The following PCDH19 variants were observed in gnomAD, a reference collection of about 807,000 sequenced individuals.
PCDH19 encodes the protein protocadherin 19.
Under a neutral mutation model 46.2 loss-of-function variants are expected in PCDH19, and 6 were observed. The observed-to-expected ratio is 0.13, with a 90% CI of 0.07 to 0.26. PCDH19 has a LOEUF of 0.26. Among genes scored for constraint, PCDH19 ranks in the 10% least tolerant of loss-of-function variants. The probability of loss-of-function intolerance (pLI) is 1.00; values close to 1 mark genes in which losing one functional copy is unlikely to be tolerated. For missense variants in PCDH19, 740 were observed against 972.3 expected, an observed-to-expected ratio of 0.76 and a Z score of 3.18; for synonymous variants, 481 against 415.7, an observed-to-expected ratio of 1.16 and a Z score of -1.91.
At chrX:100,394,429 A>C (rs996215356) in intron 3 of PCDH19, among the ~76,000 whole-genome samples, 2 of 112,120 alleles carry the variant, frequency 1.8e-5, no homozygotes, top group Non-Finnish European at 3.8e-5. Context: ...TCACTTTCCA[A>C]AGTAATTCCC....
intron 5 of PCDH19, among the ~76,000 whole-genome samples, chrX:100,317,449 T>C (rs1395017681): frequency 2.7e-5 from 3 of 111,451 alleles, no homozygotes; most frequent in Non-Finnish European, 5.6e-5. Context: ...AGAATGTTCA[T>C]TGTCATGACT....
intron 3 of PCDH19, among the ~76,000 whole-genome samples, chrX:100,399,057 C>T (rs1482734291): frequency 9.0e-6 from 1 of 111,586 alleles, no homozygotes; most frequent in Admixed American, 9.5e-5. Context: ...TTTTGATCCC[C>T]GGGAAGTAGT....
intron 5 of PCDH19, among the ~76,000 whole-genome samples, chrX:100,317,192 A>G (rs1273799222): frequency 9.0e-6 from 1 of 111,654 alleles, no homozygotes; most frequent in Non-Finnish European, 1.9e-5. Context: ...GTCTGGCTCC[A>G]GCCCAGCTAT....
chrX:100,326,759 T>C (rs895558633), intron 5 of PCDH19, among the ~76,000 whole-genome samples: 12 of 111,769 alleles, frequency 1.1e-4, no homozygotes, highest in African/African-American at 2.6e-4. Flanking sequence ...TTCAGAAAAA[T>C]GATTTGATAG....
intron 3 of PCDH19, among the ~76,000 whole-genome samples, chrX:100,383,763 T>C (rs1927627538): frequency 9.0e-6 from 1 of 111,654 alleles, no homozygotes; most frequent in African/African-American, 3.2e-5. Context: ...AACAGAAAAA[T>C]TGAAACTCTT....
rs1388898480 is a variant in PCDH19, at chrX:100,395,183, G to A, written c.2616+7341C>T. Reference sequence around the variant, plus strand: ...ATTACAGGCGTGAGCCACCGCGCCCGGCCTGAGGAATCTAATTTTAAGCAA... The same window carrying A: ...ATTACAGGCGTGAGCCACCGCGCCCAGCCTGAGGAATCTAATTTTAAGCAA... On this transcript the variant is annotated intron_variant, in intron 3 of 5. Transcript: ENST00000373034. Among the ~76,000 whole-genome samples the A allele has an allele frequency of 4.5e-5, 5 of 112,227 alleles. No homozygotes were observed. The East Asian group carries it at 8.4e-4, about 19-fold the overall frequency.
chrX:100,333,193 GAAAGAAAGAAAGAAA>G (rs1925966653), intron 5 of PCDH19, among the ~76,000 whole-genome samples: 1 of 60,090 alleles, frequency 1.7e-5, no homozygotes, highest in African/African-American at 6.3e-5. Context: ...GAGAAAGAAA[GAAAGAAAGAAAGAAA>G]GAAAGAAAGA....
chrX:100,303,396 C>A (rs922626890), intron 5 of PCDH19, among the ~76,000 whole-genome samples: 1 of 111,582 alleles, frequency 9.0e-6, no homozygotes, highest in African/African-American at 3.3e-5. Flanking sequence ...TGTTTGATAT[C>A]TTGAGGATTG....
chrX:100,322,977 CTT>C (rs760963579), intron 5 of PCDH19, among the ~76,000 whole-genome samples: 6 of 105,480 alleles, frequency 5.7e-5, no homozygotes, highest in Non-Finnish European at 1.2e-4. Flanking sequence ...TATCCGGAAA[CTT>C]TGCTGAATTG....
Position 100,409,708 on chromosome X carries a change from G to GTCCGCCGCCGCC in PCDH19, c.-1123_-1112dup. 1 of 238,404 alleles carries GTCCGCCGCCGCC rather than the reference G, an allele frequency of 4.2e-6. No individual in the cohort carries two copies. The highest frequency in any genetic ancestry group is 7.6e-6 in the Non-Finnish European group (1 of 132,284). The allele number at this position is 238,404 out of a possible 1,213,427, so 19.6% of individuals were successfully genotyped here. On this transcript the variant is annotated 5_prime_UTR_variant, in exon 1 of 6. Coordinates refer to ENST00000373034, the MANE Select transcript of PCDH19 (RefSeq NM_001184880.2). The stretch of plus-strand genomic sequence containing the variant: ...GTTTGGGCTGGGGTGTCGCTCCAAG[G>GTCCGCCGCCGCC]TCCGCCGCCGCCGCCGCCGCCGCCG...
Position 100,407,017 on chromosome X carries a change from C to G in PCDH19, c.1581G>C (p.Lys527Asn), listed in dbSNP as rs1204267809. Residue 527 changes from lysine to asparagine, a missense_variant, in exon 1 of 6, where the codon AAG (lysine) becomes AAC (asparagine). Coordinates refer to ENST00000373034, the MANE Select transcript of PCDH19 (RefSeq NM_001184880.2). ...ALRSFNHEQT[K>N]AFEFKVLAKD... is the part of the protein sequence containing the mutation. ...TGGCCAGCACCTTGAATTCGAACGC[C>G]TTGGTCTGCTCGTGGTTAAAGGATC... 2.3e-5 allele frequency: 28 copies of G among 1,211,832 alleles called. No individual in the cohort carries two copies. The highest frequency in any genetic ancestry group is 3.1e-5 in the Non-Finnish European group (28 of 895,542).
chrX:100,395,018 G>C (rs888519946), intron 3 of PCDH19, among the ~76,000 whole-genome samples: 2 of 108,862 alleles, frequency 1.8e-5, no homozygotes, highest in African/African-American at 6.7e-5. Context: ...CTCCCAAGTA[G>C]CTGGGACCAC....
At chrX:100,341,453 C>G (rs1471239084) in intron 5 of PCDH19, among the ~76,000 whole-genome samples, 1 of 111,759 alleles carries the variant, frequency 8.9e-6, no homozygotes. Context: ...AATGAGAGAA[C>G]AGAGTCTCAC....
At chrX:100,305,953 C>A (rs1232044794) in intron 5 of PCDH19, among the ~76,000 whole-genome samples, 1 of 111,545 alleles carries the variant, frequency 9.0e-6, no homozygotes, top group African/African-American at 3.3e-5. Context: ...AGATAGATGG[C>A]AACACAATAA....
In PCDH19 at chrX:100,396,300, C is replaced by T. The variant is rs749495397; in HGVS notation, c.2616+6224G>A. ...CAATCCCCTAAGCCCTTAGCTTCTGCGCTGGGCACAATAAGCCCAAGCCAC... is the reference window on the plus strand; with the variant it reads ...CAATCCCCTAAGCCCTTAGCTTCTGTGCTGGGCACAATAAGCCCAAGCCAC... On this transcript the variant is annotated intron_variant, in intron 3 of 5. Coordinates refer to ENST00000373034, the MANE Select transcript of PCDH19 (RefSeq NM_001184880.2). Among the ~76,000 whole-genome samples the T allele has an allele frequency of 4.5e-5, 5 of 112,079 alleles. No homozygotes were observed. The East Asian group carries it at 8.5e-4, about 19-fold the overall frequency.
chrX:100,330,233 G>A (rs779194265), intron 5 of PCDH19, among the ~76,000 whole-genome samples: 4 of 112,206 alleles, frequency 3.6e-5, no homozygotes, highest in South Asian at 3.7e-4. Context: ...TAAATATCTC[G>A]AAACATACAT....
At chrX:100,399,131 A>C (rs1033505095) in intron 3 of PCDH19, among the ~76,000 whole-genome samples, 6 of 112,140 alleles carry the variant, frequency 5.4e-5, no homozygotes, top group African/African-American at 1.9e-4. Context: ...GAACAAATGA[A>C]AGAATGGTTT....
intron 3 of PCDH19, among the ~76,000 whole-genome samples, chrX:100,358,138 T>C (rs753144082): frequency 8.9e-6 from 1 of 112,137 alleles, no homozygotes; most frequent in Non-Finnish European, 1.9e-5. Flanking sequence ...CCCATCTAAC[T>C]CCATCAGTCC....
intron 5 of PCDH19, among the ~76,000 whole-genome samples, chrX:100,330,602 C>A (rs1449053890): frequency 8.9e-6 from 1 of 112,262 alleles, no homozygotes; most frequent in African/African-American, 3.2e-5. Flanking sequence ...AAGCAGATTA[C>A]AGTTGCAGTC....
Sources: gnomAD v4.1 joint callset for allele counts (sites outside exome capture counted in the v4.1 genomes callset) on GRCh38, gnomAD v4.1.1 for gene constraint, MANE v1.5 for transcripts, NCBI Gene and HGNC (gene_info 2026-07-23, HGNC 2026-07-21) for gene names.